The following PKNOX2 variants were observed in gnomAD, a reference collection of about 807,000 sequenced individuals.
PKNOX2 encodes the protein homeobox protein PKNOX2.
PKNOX2 carries 14 observed loss-of-function variants against 53.1 expected under a neutral mutation model. That is an observed-to-expected ratio of 0.26 (90% CI 0.17 to 0.41). The LOEUF (loss-of-function observed/expected upper bound fraction) is 0.41, where lower values mean the gene tolerates loss of function less well. Among genes scored for constraint, PKNOX2 ranks in the 10% least tolerant of loss-of-function variants. The pLI, the probability that PKNOX2 is intolerant of heterozygous loss-of-function variation, is 1.00. For synonymous variants in PKNOX2, 257 were observed against 242.8 expected, an observed-to-expected ratio of 1.06 and a Z score of -0.54; for missense variants, 496 against 602.8, an observed-to-expected ratio of 0.82 and a Z score of 1.85.
Position 125,291,611 on chromosome 11 carries a change from C to A in PKNOX2, c.-129-40208C>A, listed in dbSNP as rs1024664976. Among the ~76,000 whole-genome samples the A allele has an allele frequency of 3.3e-5, 5 of 152,274 alleles. No homozygotes were observed. In the Middle Eastern group the frequency reaches 0.014, roughly 414 times the overall value. On this transcript the variant is annotated intron_variant, in intron 2 of 12. Transcript: ENST00000298282. The stretch of plus-strand genomic sequence containing the variant: ...AGGGACACAAACAGATATTTGTACA[C>A]CCATATTCATAGCATCATTACTCAT...
chr11:125,300,670 A>G (rs1281193978), intron 2 of PKNOX2, among the ~76,000 whole-genome samples: 1 of 152,108 alleles, frequency 6.6e-6, no homozygotes, highest in Non-Finnish European at 1.5e-5. Context: ...ACAGAGAGAG[A>G]GTCGGGTGCA....
intron 1 of PKNOX2, among the ~76,000 whole-genome samples, chr11:125,219,307 G>A (rs938406877): frequency 1.3e-4 from 20 of 151,798 alleles, no homozygotes; most frequent in Admixed American, 2.6e-4. Flanking sequence ...AGGTGGTGGC[G>A]CACACCTGTA....
chr11:125,238,429 T>A (rs1942902856), intron 2 of PKNOX2, among the ~76,000 whole-genome samples: 2 of 152,220 alleles, frequency 1.3e-5, no homozygotes, highest in African/African-American at 4.8e-5. Flanking sequence ...TATGGGATGA[T>A]GTTATTATCT....
At chr11:125,222,672 G>GTA (rs1425877657) in intron 1 of PKNOX2, among the ~76,000 whole-genome samples, 1 of 144,694 alleles carries the variant, frequency 6.9e-6, no homozygotes, top group African/African-American at 2.7e-5. Flanking sequence ...ATGTGTGTGT[G>GTA]TATGTGTGTG....
intron 1 of PKNOX2, among the ~76,000 whole-genome samples, chr11:125,201,645 G>A (rs1043189071): frequency 2.6e-5 from 4 of 152,192 alleles, no homozygotes; most frequent in African/African-American, 4.8e-5. Flanking sequence ...AGCAGGAAGT[G>A]TGCCAGCTGG....
At chr11:125,177,216 G>C (rs1180912269) in intron 1 of PKNOX2, among the ~76,000 whole-genome samples, 1 of 152,108 alleles carries the variant, frequency 6.6e-6, no homozygotes, top group Non-Finnish European at 1.5e-5. Flanking sequence ...GCAGTGACCA[G>C]GGCTGTATCT....
intron 4 of PKNOX2, among the ~76,000 whole-genome samples, chr11:125,354,975 T>C (rs1201112423): frequency 6.6e-6 from 1 of 152,156 alleles, no homozygotes; most frequent in Non-Finnish European, 1.5e-5. Flanking sequence ...GTTTAGAAAG[T>C]GCAAAAGCGG....
At chr11:125,176,249 T>C (rs2135232705) in intron 1 of PKNOX2, among the ~76,000 whole-genome samples, 1 of 152,216 alleles carries the variant, frequency 6.6e-6, no homozygotes, top group Admixed American at 6.5e-5. Context: ...GAGGAGGGGG[T>C]TGGCCTCTGC....
intron 10 of PKNOX2, among the ~76,000 whole-genome samples, chr11:125,425,179 T>C (rs1293997165): frequency 6.6e-6 from 1 of 152,202 alleles, no homozygotes; most frequent in Non-Finnish European, 1.5e-5. Context: ...GTCACTGTTT[T>C]GCTACTTCCA....
At chr11:125,361,507 T>C (rs909878636) in intron 4 of PKNOX2, among the ~76,000 whole-genome samples, 24 of 152,218 alleles carry the variant, frequency 1.6e-4, no homozygotes, top group African/African-American at 3.4e-4. Context: ...AAACCCACGC[T>C]TCTGCTCTCC....
intron 2 of PKNOX2, among the ~76,000 whole-genome samples, chr11:125,295,042 T>C (rs927542861): frequency 7.9e-5 from 12 of 152,142 alleles, no homozygotes; most frequent in Non-Finnish European, 8.8e-5. Context: ...GGTGGTGGCC[T>C]TCTGGAGGGC....
At chr11:125,171,873 G>A (rs1591467818) in intron 1 of PKNOX2, among the ~76,000 whole-genome samples, 1 of 152,236 alleles carries the variant, frequency 6.6e-6, no homozygotes, top group Non-Finnish European at 1.5e-5. Context: ...GGGGTTAACA[G>A]TAGAGAGGGC....
intron 2 of PKNOX2, among the ~76,000 whole-genome samples, chr11:125,264,268 AC>A (rs1234345465): frequency 6.6e-6 from 1 of 151,904 alleles, no homozygotes; most frequent in African/African-American, 2.4e-5. Flanking sequence ...CTGCTTCCCA[AC>A]CCCTCTCCTC....
intron 2 of PKNOX2, among the ~76,000 whole-genome samples, chr11:125,255,218 C>T (rs924525367): frequency 1.3e-5 from 2 of 152,162 alleles, no homozygotes; most frequent in African/African-American, 2.4e-5. Flanking sequence ...GAATGCATAC[C>T]CAGGACTCAG....
intron 1 of PKNOX2, among the ~76,000 whole-genome samples, chr11:125,205,083 C>A (rs531373793): frequency 3.3e-5 from 5 of 152,318 alleles, no homozygotes; most frequent in Admixed American, 6.5e-5. Flanking sequence ...GGCTTGTGTC[C>A]ATTACGTGTT....
intron 8 of PKNOX2, 81 bp downstream of exon 8, chr11:125,410,406 G>A: frequency 6.3e-7 from 1 of 1,576,732 alleles, no homozygotes; most frequent in Non-Finnish European, 8.6e-7. Context: ...TCCAGGGGTG[G>A]GGGTTGTCCT....
chr11:125,296,933 G>A (rs185678739), intron 2 of PKNOX2, among the ~76,000 whole-genome samples: 15 of 152,258 alleles, frequency 9.9e-5, no homozygotes, highest in Non-Finnish European at 1.3e-4. Flanking sequence ...GGCGCTCAGC[G>A]GTTTATTATC....
At chr11:125,382,272 T>C (rs1167009929) in intron 5 of PKNOX2, among the ~76,000 whole-genome samples, 1 of 152,216 alleles carries the variant, frequency 6.6e-6, no homozygotes, top group East Asian at 1.9e-4. Flanking sequence ...ACAACACTTG[T>C]TCTCATTGAC....
chr11:125,236,239 C>T (rs781606941), intron 2 of PKNOX2, among the ~76,000 whole-genome samples: 6 of 152,194 alleles, frequency 3.9e-5, no homozygotes, highest in East Asian at 1.9e-4. Context: ...GATTCAGCGC[C>T]GGTCGCCTCT....
Sources: gnomAD v4.1 joint callset for allele counts (sites outside exome capture counted in the v4.1 genomes callset) on GRCh38, gnomAD v4.1.1 for gene constraint, MANE v1.5 for transcripts, NCBI Gene and HGNC (gene_info 2026-07-23, HGNC 2026-07-21) for gene names.